NAALADL2: variants seen among roughly 807,000 people sequenced by gnomAD.
NAALADL2 encodes the protein inactive N-acetylated-alpha-linked acidic dipeptidase-like protein 2.
NAALADL2 carries 76 observed loss-of-function variants against 87.2 expected under a neutral mutation model. The observed-to-expected ratio is 0.87, with a 90% CI of 0.72 to 1.05. The LOEUF (loss-of-function observed/expected upper bound fraction) is 1.05. NAALADL2 is among the 50% of genes least tolerant of loss of function. The pLI, the probability that NAALADL2 is intolerant of heterozygous loss-of-function variation, is 0.00. For synonymous variants in NAALADL2, 354 were observed against 331.0 expected (o/e 1.07, Z -0.75); for missense variants, 1,089 against 945.8 (o/e 1.15, Z -1.99).
intron 1 of NAALADL2, among the ~76,000 whole-genome samples, chr3:174,526,296 C>T (rs545139672): frequency 6.6e-6 from 1 of 152,244 alleles, no homozygotes; most frequent in African/African-American, 2.4e-5. Flanking sequence ...TGGCTTTGGC[C>T]TCATTAGCAT....
chr3:175,759,033 A>G (rs1396253128), intron 13 of NAALADL2, among the ~76,000 whole-genome samples: 1 of 152,182 alleles, frequency 6.6e-6, no homozygotes, highest in Non-Finnish European at 1.5e-5. Flanking sequence ...GGAATATATT[A>G]TTTTTGGAAT....
At chr3:174,532,985 C>T (rs1367334213) in intron 1 of NAALADL2, among the ~76,000 whole-genome samples, 1 of 151,570 alleles carries the variant, frequency 6.6e-6, no homozygotes, top group Non-Finnish European at 1.5e-5. Flanking sequence ...GCCACAGTAC[C>T]AGGTATAATC....
chr3:175,312,076 G>A (rs1758445933), intron 4 of NAALADL2, among the ~76,000 whole-genome samples: 1 of 152,048 alleles, frequency 6.6e-6, no homozygotes, highest in Non-Finnish European at 1.5e-5. Context: ...ATATAACAGA[G>A]ACACTGGAAT....
chr3:175,118,604 G>A (rs536891125), intron 2 of NAALADL2, among the ~76,000 whole-genome samples: 225 of 151,656 alleles, frequency 1.5e-3, no homozygotes, highest in African/African-American at 5.3e-3. Flanking sequence ...TAACTTATTT[G>A]GTTGTCTCTT....
At chr3:175,000,684 G>A (rs141313735) in intron 1 of NAALADL2, among the ~76,000 whole-genome samples, 1 of 151,978 alleles carries the variant, frequency 6.6e-6, no homozygotes, top group East Asian at 1.9e-4. Context: ...ATCTTAATTA[G>A]TCATGCTTAA....
At chr3:174,631,965 C>T (rs1161837952) in intron 2 of NAALADL2, 1 of 152,170 alleles carries the variant, frequency 6.6e-6, no homozygotes, top group Non-Finnish European at 1.5e-5. Flanking sequence ...AAGTGAATGA[C>T]CTTCTGAAAG....
At chr3:175,426,813 C>T (rs1277724241) in intron 5 of NAALADL2, among the ~76,000 whole-genome samples, 6 of 152,158 alleles carry the variant, frequency 3.9e-5, no homozygotes, top group African/African-American at 1.4e-4. Context: ...AGCTGATCAG[C>T]AGCTGCCTAT....
At chr3:174,478,972 G>A (rs1717382166) in intron 1 of NAALADL2, among the ~76,000 whole-genome samples, 1 of 152,178 alleles carries the variant, frequency 6.6e-6, no homozygotes, top group Non-Finnish European at 1.5e-5. Context: ...ACCTCCCAAA[G>A]TGTTGGGATC....
intron 1 of NAALADL2, among the ~76,000 whole-genome samples, chr3:174,875,313 AAGC>A (rs1435167392): frequency 2.0e-5 from 3 of 152,118 alleles, no homozygotes; most frequent in Non-Finnish European, 2.9e-5. Flanking sequence ...AATGATAAAA[AAGC>A]AGGAGTGAAA....
chr3:174,855,980 G>GTATATATATA (rs57039020), upstream of NAALADL2, among the ~76,000 whole-genome samples: 3 of 142,908 alleles, frequency 2.1e-5, no homozygotes, highest in African/African-American at 7.9e-5. Context: ...GTGTGTGTGT[G>GTATATATATA]TATATATATA....
intron 9 of NAALADL2, among the ~76,000 whole-genome samples, chr3:175,558,765 T>C (rs181083631): frequency 6.6e-6 from 1 of 152,318 alleles, no homozygotes; most frequent in East Asian, 1.9e-4. Flanking sequence ...GATTCTCTAT[T>C]CTGTTCCACT....
chr3:174,794,020 C>T (rs946681211), intron 3 of NAALADL2, among the ~76,000 whole-genome samples: 1 of 151,954 alleles, frequency 6.6e-6, no homozygotes, highest in African/African-American at 2.4e-5. Context: ...TACTAAAAAT[C>T]CTTCCATTAC....
intron 2 of NAALADL2, among the ~76,000 whole-genome samples, chr3:174,735,985 G>A (rs1405337558): frequency 6.6e-6 from 1 of 152,138 alleles, no homozygotes; most frequent in Admixed American, 6.5e-5. Context: ...AAGCACACTG[G>A]CTGCAGTGGG....
intron 2 of NAALADL2, among the ~76,000 whole-genome samples, chr3:175,148,044 TG>T (rs1731000190): frequency 6.7e-6 from 1 of 149,452 alleles, no homozygotes; most frequent in South Asian, 2.1e-4. Flanking sequence ...CACTCCAGCC[TG>T]GGCAACAAGA....
chr3:175,105,642 GACACACACACACACACACAC>G (rs57274941), intron 2 of NAALADL2, among the ~76,000 whole-genome samples: 56 of 144,618 alleles, frequency 3.9e-4, no homozygotes, highest in Admixed American at 9.0e-4. Flanking sequence ...AATACACACA[GACACACACACACACACACAC>G]ACACACACAC....
chr3:175,365,140 T>C, intron 5 of NAALADL2, among the ~76,000 whole-genome samples: 1 of 147,524 alleles, frequency 6.8e-6, no homozygotes, highest in Non-Finnish European at 1.5e-5. Flanking sequence ...TTAACACTAC[T>C]TTGAAGGAGA....
intron 5 of NAALADL2, among the ~76,000 whole-genome samples, chr3:175,412,273 G>A (rs1028703271): frequency 3.3e-5 from 5 of 152,134 alleles, no homozygotes; most frequent in African/African-American, 4.8e-5. Flanking sequence ...ACGTGCACGC[G>A]TATAGTTTGT....
intron 2 of NAALADL2, among the ~76,000 whole-genome samples, chr3:174,721,276 A>T (rs528657617): frequency 1.3e-5 from 2 of 152,318 alleles, no homozygotes; most frequent in East Asian, 3.9e-4. Context: ...AAATACACTA[A>T]TTTTTAATGA....
At chr3:174,781,640 G>C (rs1262938768) in intron 3 of NAALADL2, among the ~76,000 whole-genome samples, 1 of 151,986 alleles carries the variant, frequency 6.6e-6, no homozygotes, top group Non-Finnish European at 1.5e-5. Flanking sequence ...GGAAATTGAA[G>C]TTAGAATTAA....
Sources: gnomAD v4.1 joint callset for allele counts (sites outside exome capture counted in the v4.1 genomes callset) on GRCh38, gnomAD v4.1.1 for gene constraint, MANE v1.5 for transcripts, NCBI Gene and HGNC (gene_info 2026-07-23, HGNC 2026-07-21) for gene names.